Variants in PPARG observed in about 807,000 individuals in gnomAD.
PPARG encodes the protein peroxisome proliferator activated receptor gamma, also known as peroxisome proliferator-activated receptor gamma.
PPARG carries 17 observed loss-of-function variants against 39.2 expected under a neutral mutation model. The observed-to-expected ratio is 0.43, with a 90% CI of 0.30 to 0.65. The LOEUF (loss-of-function observed/expected upper bound fraction) is 0.65, where lower values mean the gene tolerates loss of function less well. Ranked by LOEUF, PPARG falls within the 30% of genes least tolerant of loss-of-function variation. The pLI, the probability that PPARG is intolerant of heterozygous loss-of-function variation, is 0.13. For missense variants in PPARG, 406 were observed against 585.9 expected (o/e 0.69, Z 3.17); for synonymous variants, 223 against 215.7 (o/e 1.03, Z -0.30).
At chr3:12,318,088 C>T (rs1262749011) in intron 2 of PPARG, among the ~76,000 whole-genome samples, 1 of 152,130 alleles carries the variant, frequency 6.6e-6, no homozygotes, top group Non-Finnish European at 1.5e-5. Context: ...ACCCTCTTGC[C>T]TCAGCCACCG....
At chr3:12,362,198 A>G (rs1033102154) in intron 2 of PPARG, among the ~76,000 whole-genome samples, 2 of 152,192 alleles carry the variant, frequency 1.3e-5, no homozygotes, top group African/African-American at 4.8e-5. Flanking sequence ...TTTATTAACT[A>G]TAATGAGTTT....
At chr3:12,363,151 C>T (rs1165762323) in intron 2 of PPARG, among the ~76,000 whole-genome samples, 2 of 152,122 alleles carry the variant, frequency 1.3e-5, no homozygotes, top group African/African-American at 4.8e-5. Context: ...AACTCTTAGG[C>T]TCAAGTAATC....
intron 7 of PPARG, among the ~76,000 whole-genome samples, chr3:12,418,918 G>T (rs1030558815): frequency 2.6e-5 from 4 of 152,026 alleles, no homozygotes; most frequent in Non-Finnish European, 5.9e-5. Context: ...TGATATTGTG[G>T]GTTTTTGTTG....
At chr3:12,364,387 G>C (rs894155371) in intron 2 of PPARG, among the ~76,000 whole-genome samples, 6 of 152,126 alleles carry the variant, frequency 3.9e-5, no homozygotes, top group Non-Finnish European at 8.8e-5. Context: ...TGGCTTGATA[G>C]CTCATTTCTT....
chr3:12,402,600 C>A (rs1463116323), intron 5 of PPARG, among the ~76,000 whole-genome samples: 2 of 152,134 alleles, frequency 1.3e-5, no homozygotes, highest in African/African-American at 4.8e-5. Context: ...TGTATGCATA[C>A]AACAGGAGCC....
At chr3:12,364,739 A>G (rs1409449764) in intron 2 of PPARG, among the ~76,000 whole-genome samples, 4 of 152,254 alleles carry the variant, frequency 2.6e-5, no homozygotes, top group East Asian at 1.9e-4. Context: ...TAGCCATTCT[A>G]TTTGTAGTGG....
At chr3:12,361,310 T>A (rs553987891) in intron 2 of PPARG, among the ~76,000 whole-genome samples, 1 of 152,344 alleles carries the variant, frequency 6.6e-6, no homozygotes, top group African/African-American at 2.4e-5. Context: ...ATATCTCCTC[T>A]TACTCTGTGT....
At position 12,312,452 on chromosome 3, in the gene PPARG, C is replaced by G. The variant is rs1186748839; in HGVS notation, c.-10C>G. 6.6e-6 allele frequency: 1 copy of G among 152,152 alleles called. No homozygotes were observed. The highest frequency in any genetic ancestry group is 2.4e-5 in the African/African-American group (1 of 41,440). The allele number at this position is 152,152 out of a possible 1,614,324, so 9.4% of individuals were successfully genotyped here. A position where few individuals can be genotyped will look rare whatever the true frequency, so the allele number is the denominator to read the frequency against. ...TTCTCAAACGAGAGTCAGCCTTTAA[C>G]GGTAAGTAAAATCAGAATTTATACT... On this transcript the variant is annotated splice_region_variant and 5_prime_UTR_variant, in exon 2 of 8. Transcript: ENST00000651735.
At chr3:12,383,383 TA>T (rs2049757501) in intron 4 of PPARG, among the ~76,000 whole-genome samples, 1 of 152,248 alleles carries the variant, frequency 6.6e-6, no homozygotes, top group Non-Finnish European at 1.5e-5. Context: ...TGATGAGTAG[TA>T]AGAACATGTC....
At chr3:12,399,045 T>C (rs1049495155) in intron 5 of PPARG, among the ~76,000 whole-genome samples, 1 of 152,210 alleles carries the variant, frequency 6.6e-6, no homozygotes, top group East Asian at 1.9e-4. Flanking sequence ...GAAAGACTCA[T>C]CTGTGTAATA....
chr3:12,382,506 A>G (rs893161251), intron 4 of PPARG, among the ~76,000 whole-genome samples: 3 of 152,226 alleles, frequency 2.0e-5, no homozygotes, highest in Non-Finnish European at 4.4e-5. Context: ...CAACGTAAAG[A>G]TACAGAACAA....
intron 1 of PPARG, among the ~76,000 whole-genome samples, chr3:12,308,933 A>G (rs1166511807): frequency 6.6e-6 from 1 of 152,172 alleles, no homozygotes; most frequent in Non-Finnish European, 1.5e-5. Flanking sequence ...AAAATTAAAA[A>G]CATGTGTTCA....
At chr3:12,379,626 A>G (rs1219892110) in intron 2 of PPARG, 78 bp from the exon 3 acceptor site, 2 of 1,372,704 alleles carry the variant, frequency 1.5e-6, no homozygotes, top group Non-Finnish European at 2.1e-6. Flanking sequence ...GACTCTTTTC[A>G]TTTCTCTTTC....
At chr3:12,287,542 G>A (rs191319624), upstream of PPARG, 9 of 152,214 alleles carry the variant, frequency 5.9e-5, no homozygotes, top group South Asian at 2.1e-4. Flanking sequence ...CTGGCCGAGA[G>A]GGAGCCCCAC....
In PPARG at chr3:12,403,323, T is replaced by G. The variant is rs975004499; in HGVS notation, c.530-2559T>G. Reference sequence around the variant, plus strand: ...AAAAAAAAAAGTTGTTATACTGTATTTTTTTATTTGTCTTATTTTTTATCA... The same window carrying G: ...AAAAAAAAAAGTTGTTATACTGTATGTTTTTATTTGTCTTATTTTTTATCA... On this transcript the variant is annotated intron_variant, in intron 5 of 7. Transcript: ENST00000651735. Among the ~76,000 whole-genome samples the G allele has an allele frequency of 2.6e-5, 4 of 151,872 alleles. 1 individual carries two copies. The East Asian group carries it at 7.7e-4, about 29-fold the overall frequency.
chr3:12,340,828 G>A lies in PPARG; in HGVS notation c.-9+28375G>A, dbSNP rs1180342847. ...TGAAAATCTGTTGGTGGAAATCATC[G>A]GGTAAAACCAAAGCATAAGTTATAT... is the stretch of plus-strand genomic sequence containing the variant. On this transcript the variant is annotated intron_variant, in intron 2 of 7. Transcript: ENST00000651735. Among the ~76,000 whole-genome samples the A allele has an allele frequency of 3.9e-5, 6 of 152,254 alleles. No individual in the cohort carries two copies. The East Asian group carries it at 9.7e-4, about 25-fold the overall frequency.
intron 1 of PPARG, among the ~76,000 whole-genome samples, chr3:12,310,628 T>A (rs1343538534): frequency 8.0e-6 from 1 of 124,938 alleles, no homozygotes; most frequent in Non-Finnish European, 1.7e-5. Context: ...TACGCCCGGC[T>A]AATTTTTTGT....
intron 6 of PPARG, among the ~76,000 whole-genome samples, chr3:12,413,796 A>G (rs2050963419): frequency 6.7e-6 from 1 of 148,874 alleles, no homozygotes; most frequent in South Asian, 2.2e-4. Flanking sequence ...AGCCTGGGCA[A>G]CAGGAGCAAA....
chr3:12,355,356 G>A (rs1215554657), intron 2 of PPARG, among the ~76,000 whole-genome samples: 1 of 152,092 alleles, frequency 6.6e-6, no homozygotes, highest in East Asian at 1.9e-4. Flanking sequence ...AGCTGGTCTT[G>A]AACTCCTGGG....
Sources: gnomAD v4.1 joint callset for allele counts (sites outside exome capture counted in the v4.1 genomes callset) on GRCh38, gnomAD v4.1.1 for gene constraint, MANE v1.5 for transcripts, NCBI Gene and HGNC (gene_info 2026-07-23, HGNC 2026-07-21) for gene names.